TLN2: variants seen among roughly 807,000 people sequenced by gnomAD.
TLN2 encodes the protein talin 2.
TLN2 carries 118 observed loss-of-function variants against 294.7 expected under a neutral mutation model. The observed-to-expected ratio is 0.40, with a 90% CI of 0.34 to 0.47. The LOEUF (loss-of-function observed/expected upper bound fraction) is 0.47, where lower values mean the gene tolerates loss of function less well. Ranked by LOEUF, TLN2 falls within the 20% of genes least tolerant of loss-of-function variation. The probability of loss-of-function intolerance (pLI) is 0.84; values close to 1 mark genes in which losing one functional copy is unlikely to be tolerated. For missense variants in TLN2, 3,083 were observed against 3,282.2 expected, an observed-to-expected ratio of 0.94 and a Z score of 1.48; for synonymous variants, 1,431 against 1,304.5, an observed-to-expected ratio of 1.10 and a Z score of -2.09.
At chr15:62,761,400 G>A (rs1478692027) in intron 37 of TLN2, among the ~76,000 whole-genome samples, 1 of 152,174 alleles carries the variant, frequency 6.6e-6, no homozygotes, top group South Asian at 2.1e-4. Context: ...GAAGAGCAGG[G>A]TGCTGTTTAA....
At chr15:62,512,103 C>G (rs1045055367) in intron 1 of TLN2, among the ~76,000 whole-genome samples, 4 of 152,180 alleles carry the variant, frequency 2.6e-5, no homozygotes, top group South Asian at 2.1e-4. Context: ...TGTCCTGGGT[C>G]ACAGCTGGAA....
At chr15:62,704,941 TA>T (rs1419157965) in intron 19 of TLN2, among the ~76,000 whole-genome samples, 1 of 152,246 alleles carries the variant, frequency 6.6e-6, no homozygotes, top group Admixed American at 6.5e-5. Context: ...CGTAGTCATT[TA>T]TGTTCCCCAA....
At chr15:62,464,876 A>G (rs1443539962) in intron 1 of TLN2, among the ~76,000 whole-genome samples, 1 of 152,180 alleles carries the variant, frequency 6.6e-6, no homozygotes, top group Non-Finnish European at 1.5e-5. Flanking sequence ...GGGAGGGCTC[A>G]TGACTAAATC....
chr15:62,611,383 C>T (rs1042632420), intron 2 of TLN2, among the ~76,000 whole-genome samples: 9 of 152,146 alleles, frequency 5.9e-5, no homozygotes, highest in Admixed American at 5.9e-4. Context: ...GGAGTATGTC[C>T]CTGGCTGGGA....
chr15:62,837,755 A>G (rs146641265), intron 57 of TLN2, among the ~76,000 whole-genome samples: 138 of 152,358 alleles, frequency 9.1e-4, no homozygotes, highest in African/African-American at 3.2e-3. Flanking sequence ...CCCTTTGGCA[A>G]ATAAGCACAT....
chr15:62,399,153 T>C (rs1330267895), intron 1 of TLN2, among the ~76,000 whole-genome samples: 1 of 148,522 alleles, frequency 6.7e-6, no homozygotes, highest in Non-Finnish European at 1.5e-5. Context: ...AAGACAAGAA[T>C]TGAGGTTTGG....
intron 3 of TLN2, among the ~76,000 whole-genome samples, chr15:62,642,271 C>A (rs754369608): frequency 3.3e-5 from 5 of 152,160 alleles, no homozygotes; most frequent in Non-Finnish European, 7.4e-5. Context: ...CATTCAAATT[C>A]GGGTAAACGA....
chr15:62,740,047 GT>G (rs566155596), intron 31 of TLN2, among the ~76,000 whole-genome samples: 100 of 136,210 alleles, frequency 7.3e-4, no homozygotes, highest in East Asian at 4.4e-3. Context: ...TGTGTTTTTT[GT>G]TTTTTTTTTT....
At chr15:62,752,461 T>A in intron 35 of TLN2, 34 bp downstream of exon 35, 1 of 1,609,928 alleles carries the variant, frequency 6.2e-7, no homozygotes, top group Non-Finnish European at 8.5e-7. Context: ...CCATGTGCCC[T>A]GTGCCAGATC....
At position 62,576,899 on chromosome 15, in the gene TLN2, G is replaced by C. The variant is rs141706203; in HGVS notation, c.-237-12788G>C. ...GAGCAGGGGCTCATGTAGGCGAGTG[G>C]AGTAGGATTCCTTATGTCCTGGTTT... On this transcript the variant is annotated intron_variant, in intron 1 of 58. Coordinates refer to ENST00000636159, the MANE Select transcript of TLN2 (RefSeq NM_015059.3). Among the ~76,000 whole-genome samples, 36 of 152,210 alleles carry C rather than the reference G, an allele frequency of 2.4e-4. No homozygotes were observed. In the East Asian group the frequency reaches 6.8e-3, roughly 29 times the overall value.
At chr15:62,488,317 A>G (rs932381214) in intron 1 of TLN2, among the ~76,000 whole-genome samples, 12 of 152,182 alleles carry the variant, frequency 7.9e-5, no homozygotes, top group Non-Finnish European at 5.9e-5. Context: ...GAAGGAGTAC[A>G]GATACTGGTG....
intron 1 of TLN2, among the ~76,000 whole-genome samples, chr15:62,486,448 C>CTT (rs1555415721): frequency 1.0e-4 from 11 of 106,638 alleles, no homozygotes; most frequent in African/African-American, 3.3e-4. Context: ...GGAACAGTTC[C>CTT]TTTGTTTTTT....
intron 1 of TLN2, among the ~76,000 whole-genome samples, chr15:62,550,057 G>T (rs914629386): frequency 6.6e-6 from 1 of 152,266 alleles, no homozygotes; most frequent in Admixed American, 6.5e-5. Flanking sequence ...TATGGGGCTG[G>T]GAGGGTTGAG....
intron 1 of TLN2, among the ~76,000 whole-genome samples, chr15:62,529,841 A>G (rs1273840146): frequency 6.6e-6 from 1 of 152,218 alleles, no homozygotes; most frequent in African/African-American, 2.4e-5. Context: ...ATATGGATGC[A>G]CTGTAACTTA....
intron 2 of TLN2, among the ~76,000 whole-genome samples, chr15:62,605,841 G>A (rs144425362): frequency 3.9e-4 from 59 of 152,270 alleles, no homozygotes; most frequent in African/African-American, 1.3e-3. Flanking sequence ...AGCTGCAAGC[G>A]AACTACCCTT....
intron 54 of TLN2, 75 bp downstream of exon 54, chr15:62,820,685 A>G (rs974858279): frequency 1.3e-6 from 2 of 1,553,756 alleles, no homozygotes; most frequent in African/African-American, 2.7e-5. Context: ...TGGAGCTAGG[A>G]GTGCTGCAGG....
intron 1 of TLN2, among the ~76,000 whole-genome samples, chr15:62,443,638 C>A (rs1275201918): frequency 6.6e-6 from 1 of 152,122 alleles, no homozygotes; most frequent in Admixed American, 6.5e-5. Flanking sequence ...TATGGACATT[C>A]CTCCCTCATT....
chr15:62,824,532 G>A (rs1386434776), intron 54 of TLN2, among the ~76,000 whole-genome samples: 1 of 152,168 alleles, frequency 6.6e-6, no homozygotes, highest in Non-Finnish European at 1.5e-5. Flanking sequence ...CTCCATACCA[G>A]CTGCATGGAT....
chr15:62,439,644 G>C (rs1188187365), intron 1 of TLN2, among the ~76,000 whole-genome samples: 1 of 152,104 alleles, frequency 6.6e-6, no homozygotes, highest in African/African-American at 2.4e-5. Flanking sequence ...GGGTCAGCAT[G>C]CCACCAGCCT....
Sources: gnomAD v4.1 joint callset for allele counts (sites outside exome capture counted in the v4.1 genomes callset) on GRCh38, gnomAD v4.1.1 for gene constraint, MANE v1.5 for transcripts, NCBI Gene and HGNC (gene_info 2026-07-23, HGNC 2026-07-21) for gene names.